Variants in ASB15 observed in about 807,000 individuals in gnomAD.
The protein encoded by ASB15 is ankyrin repeat and SOCS box protein 15.
Under a neutral mutation model 58.0 loss-of-function variants are expected in ASB15, and 54 were observed. That is an observed-to-expected ratio of 0.93 (90% CI 0.75 to 1.17). The LOEUF (loss-of-function observed/expected upper bound fraction) is 1.17, where lower values mean the gene tolerates loss of function less well. ASB15 is among the 50% of genes most tolerant of loss of function. ASB15 has a pLI of 0.00. For synonymous variants in ASB15, 249 were observed against 262.4 expected, an observed-to-expected ratio of 0.95 and a Z score of 0.50; for missense variants, 680 against 707.4, an observed-to-expected ratio of 0.96 and a Z score of 0.44.
upstream of ASB15, among the ~76,000 whole-genome samples, chr7:123,600,094 G>T (rs150633904): frequency 5.3e-5 from 8 of 152,152 alleles, no homozygotes; most frequent in East Asian, 1.5e-3. Flanking sequence ...TGAGGAATAG[G>T]CCTCATTAAA....
intron 7 of ASB15, among the ~76,000 whole-genome samples, chr7:123,624,061 G>C (rs754349711): frequency 2.6e-5 from 4 of 152,052 alleles, no homozygotes; most frequent in Middle Eastern, 3.4e-3. Context: ...TATCTTTTGC[G>C]GCAAGGGGAA....
chr7:123,607,319 T>C (rs975695717), intron 2 of ASB15, among the ~76,000 whole-genome samples: 5 of 152,222 alleles, frequency 3.3e-5, no homozygotes, highest in Non-Finnish European at 7.3e-5. Context: ...ATATGAATTT[T>C]AATAACTGTG....
At chr7:123,633,616 T>A (rs534315562) in intron 11 of ASB15, among the ~76,000 whole-genome samples, 49 of 148,030 alleles carry the variant, frequency 3.3e-4, no homozygotes, top group African/African-American at 1.2e-3. Flanking sequence ...TTATGCTGAG[T>A]GTGTGTGTGT....
intron 1 of ASB15, among the ~76,000 whole-genome samples, chr7:123,567,955 G>GT (rs201148669): frequency 4.0e-5 from 6 of 151,710 alleles, no homozygotes; most frequent in Admixed American, 3.3e-4. Flanking sequence ...ATTTTTACCT[G>GT]TTTTTTTTCT....
At chr7:123,601,354 G>A (rs1799874298), upstream of ASB15, among the ~76,000 whole-genome samples, 3 of 152,078 alleles carry the variant, frequency 2.0e-5, no homozygotes, top group South Asian at 2.1e-4. Context: ...CCCTATCTCC[G>A]TCTGTATATC....
chr7:123,619,476 A>G (rs570273272), intron 7 of ASB15, among the ~76,000 whole-genome samples: 16 of 152,262 alleles, frequency 1.1e-4, no homozygotes, highest in African/African-American at 3.6e-4. Context: ...CAGTTTGCTC[A>G]GTGAAGAGGG....
At chr7:123,592,489 T>C (rs181939627) in intron 1 of ASB15, among the ~76,000 whole-genome samples, 1 of 152,346 alleles carries the variant, frequency 6.6e-6, no homozygotes, top group African/African-American at 2.4e-5. Context: ...GTTGTGTCTT[T>C]GTTCTCATTG....
chr7:123,582,587 G>C (rs1054296131), intron 1 of ASB15, among the ~76,000 whole-genome samples: 2 of 151,868 alleles, frequency 1.3e-5, no homozygotes, highest in Admixed American at 6.6e-5. Flanking sequence ...ATTCCCCCCA[G>C]ATATGCCATT....
chr7:123,601,749 G>T (rs574410485), upstream of ASB15: 4 of 152,192 alleles, frequency 2.6e-5, no homozygotes, highest in African/African-American at 9.6e-5. Context: ...TTTACCGTGT[G>T]CCAGAGACCG....
intron 9 of ASB15, among the ~76,000 whole-genome samples, chr7:123,628,322 C>T (rs1801926533): frequency 6.6e-6 from 1 of 151,988 alleles, no homozygotes; most frequent in African/African-American, 2.4e-5. Flanking sequence ...TGGAAAAGGC[C>T]CAAATTCTTG....
At chr7:123,609,665 A>G (rs192149275) in intron 3 of ASB15, among the ~76,000 whole-genome samples, 2 of 152,336 alleles carry the variant, frequency 1.3e-5, no homozygotes, top group African/African-American at 4.8e-5. Context: ...TAAACAATAC[A>G]TGAGGAAGAA....
At chr7:123,611,142 G>A (rs1338047277) in intron 3 of ASB15, among the ~76,000 whole-genome samples, 5 of 151,350 alleles carry the variant, frequency 3.3e-5, no homozygotes, top group Non-Finnish European at 5.9e-5. Context: ...TGAGAAGTGG[G>A]ATACCCACAC....
intron 3 of ASB15, among the ~76,000 whole-genome samples, chr7:123,612,983 T>A (rs1800557622): frequency 6.6e-6 from 1 of 151,788 alleles, no homozygotes; most frequent in Non-Finnish European, 1.5e-5. Context: ...CTAGGGTGCC[T>A]TTTGAGGAGA....
At chr7:123,613,871 C>CT (rs771333694) in intron 3 of ASB15, among the ~76,000 whole-genome samples, 37 of 152,116 alleles carry the variant, frequency 2.4e-4, no homozygotes, top group Non-Finnish European at 1.2e-4. Context: ...TGGTGAAACT[C>CT]TGTCTCTACT....
intron 11 of ASB15, among the ~76,000 whole-genome samples, chr7:123,633,276 AT>A (rs1802220461): frequency 6.6e-6 from 1 of 152,140 alleles, no homozygotes; most frequent in African/African-American, 2.4e-5. Flanking sequence ...ACAATTATTT[AT>A]TTTTGAATAT....
chr7:123,604,971 G>T (rs1055151890), intron 2 of ASB15, among the ~76,000 whole-genome samples: 15 of 152,000 alleles, frequency 9.9e-5, no homozygotes, highest in East Asian at 3.9e-4. Flanking sequence ...TTGAACAAAG[G>T]TTCAACCGTT....
At chr7:123,620,031 G>T (rs1323669897) in intron 7 of ASB15, 1 of 152,194 alleles carries the variant, frequency 6.6e-6, no homozygotes, top group African/African-American at 2.4e-5. Context: ...AATGGCCCAG[G>T]GTTGTGAGGG....
intron 8 of ASB15, among the ~76,000 whole-genome samples, chr7:123,625,702 A>G (rs1801727855): frequency 1.3e-5 from 2 of 152,102 alleles, no homozygotes; most frequent in Non-Finnish European, 2.9e-5. Context: ...CTACAGAACC[A>G]TGAGTTAAGG....
chr7:123,604,616 C>A (rs930522816), intron 2 of ASB15, among the ~76,000 whole-genome samples: 1 of 151,808 alleles, frequency 6.6e-6, no homozygotes, highest in Non-Finnish European at 1.5e-5. Context: ...GAAGAAGCAC[C>A]GTGTGAGGAG....
Sources: gnomAD v4.1 joint callset for allele counts (sites outside exome capture counted in the v4.1 genomes callset) on GRCh38, gnomAD v4.1.1 for gene constraint, MANE v1.5 for transcripts, NCBI Gene and HGNC (gene_info 2026-07-23, HGNC 2026-07-21) for gene names.